The following CADPS2 variants were observed in gnomAD, a reference collection of about 807,000 sequenced individuals.
CADPS2 encodes the protein calcium-dependent secretion activator 2.
Under a neutral mutation model 172.5 loss-of-function variants are expected in CADPS2, and 93 were observed. The ratio of observed to expected loss-of-function variants is 0.54; its 90% CI spans 0.46 to 0.64. The LOEUF is 0.64. Among genes scored for constraint, CADPS2 ranks in the 30% least tolerant of loss-of-function variants. The pLI, the probability that CADPS2 is intolerant of heterozygous loss-of-function variation, is 0.00. For missense variants in CADPS2, 1,420 were observed against 1,565.9 expected (o/e 0.91, Z 1.57); for synonymous variants, 546 against 555.2 (o/e 0.98, Z 0.23).
chr7:122,475,151 CT>C (rs1187095396), intron 12 of CADPS2, among the ~76,000 whole-genome samples: 1 of 152,198 alleles, frequency 6.6e-6, no homozygotes, highest in Non-Finnish European at 1.5e-5. Flanking sequence ...CAGATTGCAT[CT>C]TTCAACGCCT....
chr7:122,646,991 A>C (rs768816406), intron 3 of CADPS2, among the ~76,000 whole-genome samples: 1 of 152,204 alleles, frequency 6.6e-6, no homozygotes. Flanking sequence ...GCTTGTGATT[A>C]TGAGTCAGAA....
At chr7:122,663,134 A>C in intron 3 of CADPS2, 103 bp downstream of exon 3, 1 of 861,816 alleles carries the variant, frequency 1.2e-6, no homozygotes. Flanking sequence ...CTTTCCAAGT[A>C]AAGTGATTAT....
chr7:122,796,361 T>A (rs1796370599), intron 1 of CADPS2, among the ~76,000 whole-genome samples: 1 of 152,194 alleles, frequency 6.6e-6, no homozygotes, highest in Non-Finnish European at 1.5e-5. Context: ...AAAACTATTT[T>A]AAAATTCATA....
intron 17 of CADPS2, chr7:122,421,232 T>A (rs1428080803): frequency 6.6e-6 from 1 of 152,226 alleles, no homozygotes; most frequent in Non-Finnish European, 1.5e-5. Flanking sequence ...TAACCCTACA[T>A]GATGATTTAT....
At chr7:122,624,375 A>T (rs535631003) in intron 4 of CADPS2, among the ~76,000 whole-genome samples, 1 of 152,160 alleles carries the variant, frequency 6.6e-6, no homozygotes, top group Non-Finnish European at 1.5e-5. Flanking sequence ...TTCTTTAAAA[A>T]GTTTTTCTCA....
At chr7:122,523,581 C>T (rs1055301115) in intron 8 of CADPS2, among the ~76,000 whole-genome samples, 5 of 151,962 alleles carry the variant, frequency 3.3e-5, no homozygotes, top group African/African-American at 9.7e-5. Context: ...AATCAACCAA[C>T]AAATTGTATA....
intron 17 of CADPS2, among the ~76,000 whole-genome samples, chr7:122,417,825 A>G (rs991855929): frequency 1.3e-5 from 2 of 152,180 alleles, no homozygotes; most frequent in African/African-American, 4.8e-5. Context: ...GAAATAACAA[A>G]TGACCTGGGG....
chr7:122,500,049 C>T (rs1169258446), intron 9 of CADPS2, among the ~76,000 whole-genome samples: 1 of 152,164 alleles, frequency 6.6e-6, no homozygotes, highest in African/African-American at 2.4e-5. Context: ...GTGTAAAGTA[C>T]TCCAGACGGA....
chr7:122,470,300 G>A (rs566046659), intron 14 of CADPS2, among the ~76,000 whole-genome samples: 2 of 152,052 alleles, frequency 1.3e-5, no homozygotes, highest in East Asian at 3.9e-4. Context: ...ATGTTAAGGG[G>A]CACTATGGGA....
chr7:122,721,466 A>G (rs2090390091), intron 2 of CADPS2, among the ~76,000 whole-genome samples: 1 of 152,128 alleles, frequency 6.6e-6, no homozygotes, highest in Non-Finnish European at 1.5e-5. Flanking sequence ...CTCAACACAT[A>G]CACCCTCCCA....
chr7:122,630,430 G>C (rs1373231752), intron 3 of CADPS2, among the ~76,000 whole-genome samples: 1 of 152,010 alleles, frequency 6.6e-6, no homozygotes, highest in African/African-American at 2.4e-5. Flanking sequence ...AAAGTCTGGA[G>C]GTGAGGAGGT....
chr7:122,790,375 G>A (rs1372869596), intron 1 of CADPS2, among the ~76,000 whole-genome samples: 1 of 146,828 alleles, frequency 6.8e-6, no homozygotes, highest in Non-Finnish European at 1.5e-5. Flanking sequence ...TGACAGCCAA[G>A]GGGACAGCCA....
At chr7:122,660,218 T>C (rs1180686987) in intron 3 of CADPS2, among the ~76,000 whole-genome samples, 1 of 152,152 alleles carries the variant, frequency 6.6e-6, no homozygotes, top group Non-Finnish European at 1.5e-5. Flanking sequence ...ATGACAGCAA[T>C]GCCACAAGGG....
chr7:122,847,148 G>A (rs184883973), intron 1 of CADPS2, among the ~76,000 whole-genome samples: 44 of 151,974 alleles, frequency 2.9e-4, no homozygotes, highest in Admixed American at 1.8e-3. Flanking sequence ...GTGCAGTGGC[G>A]CAATCTCAGC....
rs150270932 is a variant in CADPS2, at chr7:122,554,945, C to T, written c.1336-256G>A. Reference sequence around the variant, plus strand: ...GTGTCACTTCATAACGAATTAATAGCACAACAAGCCACAGTTGAATTGACG... The same window carrying T: ...GTGTCACTTCATAACGAATTAATAGTACAACAAGCCACAGTTGAATTGACG... On this transcript the variant is annotated intron_variant, in intron 7 of 29. Coordinates refer to ENST00000449022, the MANE Select transcript of CADPS2 (RefSeq NM_017954.11). Among the ~76,000 whole-genome samples the T allele has an allele frequency of 4.1e-3, 631 of 152,144 alleles. 6 individuals are homozygous for T. Among genetic ancestry groups the T allele is most frequent in the African/African-American group, 0.014 (602 of 41,528 alleles).
rs537528245 is a variant in CADPS2, at chr7:122,665,848, G to C, written c.454-2279C>G. ...TGGCTCAATTACTTACTATTGGAAA[G>C]TCTCCCTGTCTTATTTTTTATGTTT... On this transcript the variant is annotated intron_variant, in intron 2 of 29. Transcript: ENST00000449022. 2.6e-5 allele frequency among the ~76,000 whole-genome samples: 4 copies of C among 152,260 alleles called. No individual in the cohort carries two copies. The South Asian group carries it at 8.3e-4, about 32-fold the overall frequency.
intron 17 of CADPS2, chr7:122,426,239 A>G (rs1040861737): frequency 6.6e-6 from 1 of 152,246 alleles, no homozygotes; most frequent in Non-Finnish European, 1.5e-5. Context: ...TTGATACATA[A>G]TCAAGGTCTT....
chr7:122,346,125 G>T (rs954374338), intron 27 of CADPS2, among the ~76,000 whole-genome samples: 1 of 152,076 alleles, frequency 6.6e-6, no homozygotes, highest in Admixed American at 6.5e-5. Flanking sequence ...CCAGCACTTT[G>T]AAAGGCTGAG....
chr7:122,524,950 C>A (rs545024202), intron 8 of CADPS2, among the ~76,000 whole-genome samples: 8 of 151,984 alleles, frequency 5.3e-5, no homozygotes, highest in African/African-American at 1.9e-4. Flanking sequence ...GGGCTTGAGA[C>A]CAGCCTGGGC....
Sources: gnomAD v4.1 joint callset for allele counts (sites outside exome capture counted in the v4.1 genomes callset) on GRCh38, gnomAD v4.1.1 for gene constraint, MANE v1.5 for transcripts, NCBI Gene and HGNC (gene_info 2026-07-23, HGNC 2026-07-21) for gene names.